The following ZNF138 variants were observed in gnomAD, a reference collection of about 807,000 sequenced individuals.
ZNF138 encodes the protein zinc finger protein 138 (clone pHZ-32).
ZNF138 carries 33 observed loss-of-function variants against 33.0 expected under a neutral mutation model. The observed-to-expected ratio is 1.00, with a 90% CI of 0.76 to 1.34. The LOEUF (loss-of-function observed/expected upper bound fraction) is 1.34, where lower values mean the gene tolerates loss of function less well. Ranked by LOEUF, ZNF138 falls within the 40% of genes most tolerant of loss-of-function variation. The pLI is 0.00. For synonymous variants in ZNF138, 139 were observed against 120.4 expected, an observed-to-expected ratio of 1.15 and a Z score of -1.01; for missense variants, 360 against 370.8, an observed-to-expected ratio of 0.97 and a Z score of 0.24.
intron 1 of ZNF138, among the ~76,000 whole-genome samples, chr7:64,807,715 T>G: frequency 6.6e-6 from 1 of 152,220 alleles, no homozygotes; most frequent in East Asian, 1.9e-4. Flanking sequence ...GATGTCAACA[T>G]AGACATCTTA....
At chr7:64,826,470 G>A (rs1279387406) in intron 3 of ZNF138, among the ~76,000 whole-genome samples, 2 of 151,980 alleles carry the variant, frequency 1.3e-5, no homozygotes, top group African/African-American at 2.4e-5. Context: ...TAGTAGAGAC[G>A]GGGTTTCTCC....
At chr7:64,821,947 C>G (rs1789188753) in intron 3 of ZNF138, among the ~76,000 whole-genome samples, 1 of 115,308 alleles carries the variant, frequency 8.7e-6, no homozygotes, top group Non-Finnish European at 1.6e-5. Flanking sequence ...GAGACAGAGT[C>G]TGGCTCCGTC....
chr7:64,833,708 TTGTTTG>T (rs1790275491), downstream of ZNF138: 4 of 150,286 alleles, frequency 2.7e-5, no homozygotes, highest in African/African-American at 9.8e-5. Flanking sequence ...AGTGTGTGGT[TTGTTTG>T]TTTGTTTGTT....
chr7:64,825,406 C>G (rs112620491), intron 3 of ZNF138, among the ~76,000 whole-genome samples: 1 of 150,938 alleles, frequency 6.6e-6, no homozygotes, highest in African/African-American at 2.4e-5. Context: ...TTTCTGACCT[C>G]GTGATCTGCC....
In ZNF138 at chr7:64,832,902, A is replaced by G; in HGVS notation, c.*700A>G. 2.6e-6 allele frequency: 1 copy of G among 386,134 alleles called. No individual in the cohort carries two copies. The highest frequency in any genetic ancestry group is 6.8e-5 in the East Asian group (1 of 14,648). 23.9% of individuals were successfully genotyped at this position (386,134 alleles called of 1,614,324 possible). On this transcript the variant is annotated 3_prime_UTR_variant, in exon 4 of 4. Coordinates refer to ENST00000307355, the MANE Select transcript of ZNF138 (RefSeq NM_001271639.2). ...ACTTGCTATACATAAGATGATTCAC[A>G]CTTGAATGAAACCCTACAAATGTGA...
In ZNF138 at chr7:64,822,198, C is replaced by T. The variant is rs1309406122; in HGVS notation, c.208+6545C>T. ...CCTCCCAAAGTGCTGGGATTACAGG[C>T]GTGAGCCACCGTGCCTGGCCAATTT... On this transcript the variant is annotated intron_variant, in intron 3 of 3. Coordinates refer to ENST00000307355, the MANE Select transcript of ZNF138 (RefSeq NM_001271639.2). Among the ~76,000 whole-genome samples the T allele has an allele frequency of 1.1e-4, 17 of 151,582 alleles. No homozygotes were observed. In the South Asian group the frequency reaches 2.1e-3, roughly 18 times the overall value.
chr7:64,808,843 T>G (rs1439077654), intron 1 of ZNF138, among the ~76,000 whole-genome samples: 1 of 134,770 alleles, frequency 7.4e-6, no homozygotes, highest in African/African-American at 2.5e-5. Context: ...TGCACCGCCC[T>G]TAATCCATTT....
chr7:64,797,741 T>C (rs1192969877), intron 1 of ZNF138, among the ~76,000 whole-genome samples: 3 of 152,182 alleles, frequency 2.0e-5, no homozygotes, highest in Non-Finnish European at 2.9e-5. Flanking sequence ...TTCTAGACTT[T>C]GTAAAATAAA....
chr7:64,847,332 A>ATATATATATT, the ZNF138 span, among the ~76,000 whole-genome samples: 15 of 128,136 alleles, frequency 1.2e-4, no homozygotes, highest in African/African-American at 3.3e-4. Flanking sequence ...ATATATATAT[A>ATATATATATT]TTTTTTTTTT....
intron 1 of ZNF138, among the ~76,000 whole-genome samples, chr7:64,808,848 C>T (rs1414772065): frequency 8.1e-5 from 11 of 135,084 alleles, no homozygotes; most frequent in African/African-American, 2.3e-4. Context: ...CGCCCTTAAT[C>T]CATTTAACCC....
the ZNF138 span, among the ~76,000 whole-genome samples, chr7:64,860,581 G>T: frequency 4.3e-4 from 65 of 152,166 alleles, 1 homozygote; most frequent in South Asian, 0.013. Context: ...GACTAATTAG[G>T]CATATAAATA....
At chr7:64,805,850 A>G (rs1218082222) in intron 1 of ZNF138, among the ~76,000 whole-genome samples, 2 of 152,244 alleles carry the variant, frequency 1.3e-5, no homozygotes, top group African/African-American at 4.8e-5. Context: ...GTTATAACCA[A>G]TTAACACACA....
intron 1 of ZNF138, among the ~76,000 whole-genome samples, chr7:64,803,382 C>T (rs1468971880): frequency 6.7e-6 from 1 of 149,898 alleles, no homozygotes; most frequent in Non-Finnish European, 1.5e-5. Flanking sequence ...TTTAGCAATA[C>T]AGAATGATGA....
intron 1 of ZNF138, among the ~76,000 whole-genome samples, chr7:64,814,612 A>G (rs1486778463): frequency 6.6e-6 from 1 of 152,106 alleles, no homozygotes; most frequent in Non-Finnish European, 1.5e-5. Flanking sequence ...TACAAATACA[A>G]AAAATTAACT....
chr7:64,845,822 G>T, the ZNF138 span, among the ~76,000 whole-genome samples: 1 of 152,052 alleles, frequency 6.6e-6, no homozygotes, highest in African/African-American at 2.4e-5. Flanking sequence ...CTGGATCTTA[G>T]TCCTTTGTCA....
Position 64,832,028 on chromosome 7 carries a change from G to A in ZNF138, c.786G>A (p.Gln262=), listed in dbSNP as rs1229656792. The A allele has an allele frequency of 6.2e-7, 1 of 1,613,826 alleles. No homozygotes were observed. Among genetic ancestry groups the A allele is most frequent in the East Asian group, 2.2e-5 (1 of 44,860 alleles). ...KCAHCGKAFK[Q]SSHLTRHKII... ...CACACTGTGGCAAAGCCTTTAAACA[G>A]TCCTCACACCTTACTAGACATAAGA... Residue 262 remains glutamine, a synonymous_variant, in exon 4 of 4, where the codon CAG becomes CAA. Coordinates refer to ENST00000307355, the MANE Select transcript of ZNF138 (RefSeq NM_001271639.2).
rs1212972348 is a variant in ZNF138 at position 64,822,453 on chromosome 7, T to TA, written c.208+6807dup. Among the ~76,000 whole-genome samples the TA allele has an allele frequency of 4.6e-5, 7 of 151,506 alleles. 1 individual carries two copies. In the South Asian group the frequency reaches 8.3e-4, roughly 18 times the overall value. On this transcript the variant is annotated intron_variant, in intron 3 of 3. Coordinates refer to ENST00000307355, the MANE Select transcript of ZNF138 (RefSeq NM_001271639.2). ...ATTTTTTAGGTCTAAACATTTTTTT[T>TA]AAAAAAATATTTTTTGTATGTGGTT...
chr7:64,815,954 A>C (rs1788594763), intron 3 of ZNF138, among the ~76,000 whole-genome samples: 1 of 152,194 alleles, frequency 6.6e-6, no homozygotes, highest in African/African-American at 2.4e-5. Flanking sequence ...GGACACGCAA[A>C]TATCTGCATA....
At chr7:64,860,236 A>C in the ZNF138 span, among the ~76,000 whole-genome samples, 1 of 152,244 alleles carries the variant, frequency 6.6e-6, no homozygotes, top group African/African-American at 2.4e-5. Flanking sequence ...AATCAAGCTA[A>C]GTAACAAATT....
Sources: allele counts gnomAD v4.1 joint callset (sites outside exome capture counted in the v4.1 genomes callset), GRCh38; gene constraint gnomAD v4.1.1; transcripts MANE v1.5; gene names NCBI Gene and HGNC (gene_info 2026-07-23, HGNC 2026-07-21).